The following COL15A1 variants were observed in gnomAD, a reference collection of about 807,000 sequenced individuals.
The protein encoded by COL15A1 is collagen alpha-1(XV) chain.
Under a neutral mutation model 165.9 loss-of-function variants are expected in COL15A1, and 111 were observed. The ratio of observed to expected loss-of-function variants is 0.67; its 90% CI spans 0.57 to 0.78. COL15A1 has a LOEUF of 0.78. COL15A1 is among the 30% of genes least tolerant of loss of function. The probability of loss-of-function intolerance (pLI) is 0.00; values close to 1 mark genes in which losing one functional copy is unlikely to be tolerated. For missense variants in COL15A1, 1,745 were observed against 1,789.7 expected, an observed-to-expected ratio of 0.98 and a Z score of 0.45; for synonymous variants, 659 against 674.8, an observed-to-expected ratio of 0.98 and a Z score of 0.36.
intron 6 of COL15A1, 136 bp downstream of exon 6, chr9:98,997,217 C>G (rs1838564213): frequency 9.3e-7 from 1 of 1,076,436 alleles, no homozygotes; most frequent in African/African-American, 1.6e-5. Flanking sequence ...TGAGAACCAC[C>G]CTCATTTTAC....
At chr9:99,038,877 T>G (rs1437386272) in intron 22 of COL15A1, 144 bp downstream of exon 22, 1 of 582,386 alleles carries the variant, frequency 1.7e-6, no homozygotes, top group Non-Finnish European at 3.1e-6. Context: ...GCTTTGCATT[T>G]TTTGAAAAGT....
chr9:99,068,657 A>G lies in COL15A1; in HGVS notation c.3940A>G (p.Thr1314Ala). The G allele has an allele frequency of 6.4e-7, 1 of 1,557,750 alleles. No individual in the cohort carries two copies. The highest frequency in any genetic ancestry group is 2.4e-5 in the East Asian group (1 of 41,650). ...CTCCTTTGATGGTCGAGACATAATGACAGATCCTTCTTGGTAAGTGAGGGT... is the reference window on the plus strand; with the variant it reads ...CTCCTTTGATGGTCGAGACATAATGGCAGATCCTTCTTGGTAAGTGAGGGT... Reference protein sequence around the residue: ...IYSFDGRDIMTDPSWPQKVIW... With the variant: ...IYSFDGRDIMADPSWPQKVIW... Residue 1314 changes from threonine to alanine, a missense_variant, in exon 41 of 42, where the codon ACA becomes GCA. By Grantham distance (58) the Thr-to-Ala change is moderately conservative. Coordinates refer to ENST00000375001, the MANE Select transcript of COL15A1 (RefSeq NM_001855.5).
intron 5 of COL15A1, among the ~76,000 whole-genome samples, chr9:98,994,555 T>C (rs1393749336): frequency 2.0e-5 from 3 of 152,116 alleles, no homozygotes; most frequent in Non-Finnish European, 4.4e-5. Context: ...GTTTGTTGCG[T>C]CTGGTCTAGG....
chr9:99,056,546 A>C, intron 35 of COL15A1, 142 bp downstream of exon 35: 1 of 1,306,594 alleles, frequency 7.7e-7, no homozygotes, highest in Non-Finnish European at 1.0e-6. Flanking sequence ...TTTTTAATTG[A>C]GATACAATTT....
intron 2 of COL15A1, among the ~76,000 whole-genome samples, chr9:98,950,575 CCTTCCTTCCTTCCTT>C (rs1564004688): frequency 1.4e-3 from 161 of 116,210 alleles, no homozygotes; most frequent in African/African-American, 5.2e-3. Flanking sequence ...TTCCTTCCTT[CCTTCCTTCCTTCCTT>C]CCTCCCTCCC....
At chr9:99,017,683 C>T (rs1195523640) in intron 11 of COL15A1, among the ~76,000 whole-genome samples, 1 of 152,136 alleles carries the variant, frequency 6.6e-6, no homozygotes, top group African/African-American at 2.4e-5. Context: ...CCCGCTCATG[C>T]ACTGTGACTT....
chr9:99,015,873 C>A, intron 10 of COL15A1, 103 bp from the exon 11 acceptor site: 1 of 1,378,630 alleles, frequency 7.3e-7, no homozygotes, highest in Non-Finnish European at 1.0e-6. Context: ...TAGGTAAGAA[C>A]GTGCTTTGAA....
intron 31 of COL15A1, among the ~76,000 whole-genome samples, chr9:99,054,297 C>T (rs114807990): frequency 3.9e-4 from 59 of 152,306 alleles, no homozygotes; most frequent in African/African-American, 1.4e-3. Context: ...TCACGGGATG[C>T]GCTGCTGGAA....
At chr9:99,027,837 T>TA (rs1839152038) in intron 16 of COL15A1, among the ~76,000 whole-genome samples, 1 of 152,202 alleles carries the variant, frequency 6.6e-6, no homozygotes, top group Non-Finnish European at 1.5e-5. Flanking sequence ...GCAGGAAACT[T>TA]TGCACATGAT....
chr9:99,023,082 G>A (rs1839055018), intron 13 of COL15A1, among the ~76,000 whole-genome samples: 1 of 152,140 alleles, frequency 6.6e-6, no homozygotes, highest in Admixed American at 6.5e-5. Context: ...CGTGTAGGAG[G>A]AGACTGCGGA....
intron 2 of COL15A1, among the ~76,000 whole-genome samples, chr9:98,951,823 G>A (rs1356283419): frequency 2.0e-5 from 3 of 152,156 alleles, no homozygotes; most frequent in Non-Finnish European, 4.4e-5. Context: ...CTCCCAAAGT[G>A]CTGGGATTAC....
intron 5 of COL15A1, among the ~76,000 whole-genome samples, chr9:98,993,278 G>T (rs1157818466): frequency 6.6e-6 from 1 of 152,238 alleles, no homozygotes. Flanking sequence ...TAAGGGAGGT[G>T]ATGTGATGTG....
At position 99,023,367 on chromosome 9, in the gene COL15A1, A is replaced by C. The variant is rs1307952017; in HGVS notation, c.1772A>C (p.Glu591Ala). Residue 591 changes from glutamate to alanine, a missense_variant, in exon 14 of 42, where the codon GAA (glutamate) becomes GCA (alanine). By Grantham distance (107) the Glu-to-Ala change is moderately radical. Transcript: ENST00000375001. ...SGPVGPTAGAEAEGSGLGWGS... is the reference protein window; with the variant it reads ...SGPVGPTAGAAAEGSGLGWGS... The stretch of plus-strand genomic sequence containing the variant: ...TTCTTCTCTTTCCAGGCAGGAGCAG[A>C]AGCAGAGGGCTCTGGCCTAGGCTGG... 6 of 1,607,922 alleles carry C rather than the reference A, an allele frequency of 3.7e-6. No homozygotes were observed. Among genetic ancestry groups the C allele is most frequent in the Non-Finnish European group, 5.1e-6 (6 of 1,176,396 alleles).
At chr9:99,032,554 G>C (rs10988605) in intron 16 of COL15A1, among the ~76,000 whole-genome samples, 2,006 of 152,108 alleles carry the variant, frequency 0.013, 19 homozygotes, top group Non-Finnish European at 0.021. Context: ...ACTTTTTTTG[G>C]GGGGAGGGGT....
At chr9:99,061,831 C>T in intron 36 of COL15A1, 140 bp from the exon 37 acceptor site, 1 of 802,648 alleles carries the variant, frequency 1.2e-6, no homozygotes. Flanking sequence ...AGGTATATAC[C>T]TCTATCTGGC....
chr9:99,000,852 C>A lies in COL15A1; in HGVS notation c.966C>A (p.Ile322=), dbSNP rs1474160917. The A allele has an allele frequency of 8.3e-6, 13 of 1,570,756 alleles. No individual in the cohort carries two copies. Among genetic ancestry groups the A allele is most frequent in the Non-Finnish European group, 1.1e-5 (12 of 1,141,740 alleles). The change falls in exon 7 of 42, where the codon ATC becomes ATA. Residue 322 remains isoleucine (I), a synonymous_variant. Coordinates refer to ENST00000375001, the MANE Select transcript of COL15A1 (RefSeq NM_001855.5). ...TGCTTCCTGTAGGGTCTGGTGAGAT[C>A]CTGAATGACACACTGGAGGGGGTTC... ...HSSPKQGSGE[I]LNDTLEGVHS...
At chr9:98,947,930 C>T (rs752978295) in intron 2 of COL15A1, among the ~76,000 whole-genome samples, 1 of 152,210 alleles carries the variant, frequency 6.6e-6, no homozygotes, top group African/African-American at 2.4e-5. Flanking sequence ...TCACTGACTT[C>T]CTCCATGAAC....
chr9:98,978,405 C>T (rs1434100518), intron 2 of COL15A1, among the ~76,000 whole-genome samples: 1 of 152,190 alleles, frequency 6.6e-6, no homozygotes, highest in Non-Finnish European at 1.5e-5. Flanking sequence ...GGTGCTTTTA[C>T]TCTCTGTGGC....
chr9:99,014,991 G>C (rs190203733), intron 9 of COL15A1, among the ~76,000 whole-genome samples: 44 of 152,294 alleles, frequency 2.9e-4, no homozygotes. Flanking sequence ...TTGTCTGCAA[G>C]GAATTTCCTT....
Sources: gnomAD v4.1 joint callset for allele counts (sites outside exome capture counted in the v4.1 genomes callset) on GRCh38, gnomAD v4.1.1 for gene constraint, MANE v1.5 for transcripts, NCBI Gene and HGNC (gene_info 2026-07-23, HGNC 2026-07-21) for gene names.